The following HIVEP3 variants were observed in gnomAD, a reference collection of about 807,000 sequenced individuals.
HIVEP3 encodes transcription factor HIVEP3.
In HIVEP3, 49 loss-of-function variants were observed where a neutral mutation model predicts 152.8. That is an observed-to-expected ratio of 0.32 (90% CI 0.26 to 0.41). The LOEUF (loss-of-function observed/expected upper bound fraction) is 0.41, where lower values mean the gene tolerates loss of function less well. HIVEP3 is among the 10% of genes least tolerant of loss of function. The pLI, the probability that HIVEP3 is intolerant of heterozygous loss-of-function variation, is 1.00. For synonymous variants in HIVEP3, 1,269 were observed against 1,289.0 expected (o/e 0.98, Z 0.33); for missense variants, 2,790 against 3,103.3 (o/e 0.90, Z 2.40).
rs375150940 is a variant in HIVEP3, at chr1:41,773,461, G to A, written c.-800-72466C>T. Among the ~76,000 whole-genome samples, 12 of 152,280 alleles carry A rather than the reference G, an allele frequency of 7.9e-5. No homozygotes were observed. The East Asian group carries it at 2.1e-3, about 27-fold the overall frequency. ...CTGTACCACTTGGTAATCAGCCACC[G>A]CTCTGAGCATCCTCAAACGCTGCCC... On this transcript the variant is annotated intron_variant, in intron 1 of 8. Coordinates refer to ENST00000372583, the MANE Select transcript of HIVEP3 (RefSeq NM_024503.5).
rs117344903 is a variant in HIVEP3, at chr1:41,699,705, C to T, written c.-721+1211G>A. Among the ~76,000 whole-genome samples the T allele has an allele frequency of 1.8e-4, 27 of 152,238 alleles. 1 individual carries two copies. The East Asian group carries it at 4.8e-3, about 27-fold the overall frequency. On this transcript the variant is annotated intron_variant, in intron 2 of 8. Coordinates refer to ENST00000372583, the MANE Select transcript of HIVEP3 (RefSeq NM_024503.5). The stretch of plus-strand genomic sequence containing the variant: ...CTGGAGTCTGTGAGAGCCGAGGCCA[C>T]AGACACTTCAGCACGGGGTGTCCTG...
rs184932551 is a variant in HIVEP3 at position 41,523,832 on chromosome 1, C to G, written c.5383+903G>C. Among the ~76,000 whole-genome samples the G allele has an allele frequency of 2.2e-3, 333 of 152,324 alleles. 1 individual carries two copies. The highest frequency in any genetic ancestry group is 5.6e-3 in the South Asian group (27 of 4,824). ...GGACCCTGATGTCCAAACCCTGACC[C>G]AGGAATCTATCAAGCTCCAGAGGCT... is the stretch of plus-strand genomic sequence containing the variant. On this transcript the variant is annotated intron_variant, in intron 6 of 8. Transcript: ENST00000372583.
intron 6 of HIVEP3, among the ~76,000 whole-genome samples, chr1:41,521,490 CG>C (rs1465390979): frequency 6.6e-6 from 1 of 152,202 alleles, no homozygotes; most frequent in African/African-American, 2.4e-5. Context: ...GAGTGCTGTC[CG>C]GGTCCCTCTG....
At chr1:41,551,207 T>C (rs947966943) in intron 5 of HIVEP3, among the ~76,000 whole-genome samples, 1 of 152,256 alleles carries the variant, frequency 6.6e-6, no homozygotes, top group African/African-American at 2.4e-5. Context: ...GAACCATCCT[T>C]GCGTCCCAGG....
chr1:41,535,005 G>A (rs2810557), intron 5 of HIVEP3, among the ~76,000 whole-genome samples: 1 of 152,122 alleles, frequency 6.6e-6, no homozygotes, highest in Non-Finnish European at 1.5e-5. Context: ...GGCAGAGCAC[G>A]GTCACATGGC....
At chr1:41,648,647 T>C (rs1178934399) in intron 2 of HIVEP3, among the ~76,000 whole-genome samples, 1 of 152,256 alleles carries the variant, frequency 6.6e-6, no homozygotes, top group African/African-American at 2.4e-5. Context: ...TATTTGGGTT[T>C]TCAAAAAGTT....
intron 5 of HIVEP3, among the ~76,000 whole-genome samples, chr1:41,532,317 A>G (rs1313769942): frequency 2.8e-5 from 4 of 143,750 alleles, no homozygotes; most frequent in Non-Finnish European, 4.6e-5. Flanking sequence ...GGGAGGACAG[A>G]AGAGATGGAG....
chr1:41,980,556 A>G (rs1051813016), intron 1 of HIVEP3, among the ~76,000 whole-genome samples: 2 of 152,228 alleles, frequency 1.3e-5, no homozygotes, highest in African/African-American at 4.8e-5. Context: ...TGGGGTGAAG[A>G]TTGCCTACAA....
chr1:41,587,040 C>A (rs1456911089), intron 3 of HIVEP3, among the ~76,000 whole-genome samples: 1 of 152,034 alleles, frequency 6.6e-6, no homozygotes, highest in Admixed American at 6.6e-5. Context: ...TATGAGCTTC[C>A]TGGCAGCCAA....
intron 2 of HIVEP3, among the ~76,000 whole-genome samples, chr1:41,656,479 C>G (rs1645630981): frequency 6.6e-6 from 1 of 152,184 alleles, no homozygotes; most frequent in Admixed American, 6.5e-5. Flanking sequence ...TCTCCCCATG[C>G]CCGCCTTTCA....
chr1:41,964,051 T>C (rs1282237613), intron 1 of HIVEP3, among the ~76,000 whole-genome samples: 2 of 152,216 alleles, frequency 1.3e-5, no homozygotes, highest in African/African-American at 4.8e-5. Flanking sequence ...GAATTTGACC[T>C]TATTTGGAAG....
intron 2 of HIVEP3, among the ~76,000 whole-genome samples, chr1:41,648,318 C>T (rs1645492420): frequency 1.3e-5 from 2 of 152,086 alleles, no homozygotes; most frequent in African/African-American, 2.4e-5. Context: ...AAGTATTAAA[C>T]GAGCATGCAT....
At chr1:41,525,325 C>A (rs1642871428) in intron 5 of HIVEP3, among the ~76,000 whole-genome samples, 1 of 152,324 alleles carries the variant, frequency 6.6e-6, no homozygotes, top group South Asian at 2.1e-4. Flanking sequence ...GGGCAGCCGC[C>A]ATTCACCAAG....
rs528649273 is a variant in HIVEP3, at chr1:41,887,674, C to T, written c.-801+30739G>A. Among the ~76,000 whole-genome samples, 5 of 152,320 alleles carry T rather than the reference C, an allele frequency of 3.3e-5. No individual in the cohort carries two copies. The South Asian group carries it at 1.0e-3, about 32-fold the overall frequency. On this transcript the variant is annotated intron_variant, in intron 1 of 8. Transcript: ENST00000372583. ...GTGGCTTCTACCTCACCTGAGCAGA[C>T]AGCAAGAGGTTTTCTGAAGACCTGA... is the stretch of plus-strand genomic sequence containing the variant.
intron 5 of HIVEP3, among the ~76,000 whole-genome samples, chr1:41,568,942 C>T (rs1342171836): frequency 6.6e-6 from 1 of 152,096 alleles, no homozygotes; most frequent in Non-Finnish European, 1.5e-5. Context: ...GGTTTAACAC[C>T]ATCCCCTCTT....
At chr1:41,982,021 G>A (rs1311693168) in intron 1 of HIVEP3, among the ~76,000 whole-genome samples, 2 of 152,242 alleles carry the variant, frequency 1.3e-5, no homozygotes, top group Non-Finnish European at 2.9e-5. Context: ...GAAGGTGGCA[G>A]ATGAACACAT....
intron 1 of HIVEP3, among the ~76,000 whole-genome samples, chr1:41,884,856 G>C (rs914511794): frequency 1.3e-5 from 2 of 151,370 alleles, no homozygotes; most frequent in African/African-American, 4.9e-5. Flanking sequence ...GGCCCAGGTG[G>C]GGGACAAGAG....
intron 1 of HIVEP3, among the ~76,000 whole-genome samples, chr1:41,977,055 A>G (rs1304711798): frequency 6.6e-6 from 1 of 152,200 alleles, no homozygotes; most frequent in African/African-American, 2.4e-5. Context: ...TGCAATGTTA[A>G]AACCGTAACA....
At chr1:41,956,770 G>C (rs1645142563) in intron 1 of HIVEP3, among the ~76,000 whole-genome samples, 1 of 152,160 alleles carries the variant, frequency 6.6e-6, no homozygotes, top group Non-Finnish European at 1.5e-5. Context: ...AAGCTTATAT[G>C]GTTTTTGAAC....
Sources: allele counts gnomAD v4.1 joint callset (sites outside exome capture counted in the v4.1 genomes callset), GRCh38; gene constraint gnomAD v4.1.1; transcripts MANE v1.5; gene names NCBI Gene and HGNC (gene_info 2026-07-23, HGNC 2026-07-21).